NTN1: variants seen among roughly 807,000 people sequenced by gnomAD.
NTN1 encodes netrin-1.
NTN1 carries 11 observed loss-of-function variants against 54.2 expected under a neutral mutation model. The observed-to-expected ratio is 0.20, with a 90% CI of 0.13 to 0.34. The LOEUF is 0.34. Among genes scored for constraint, NTN1 ranks in the 10% least tolerant of loss-of-function variants. The pLI is 1.00. For missense variants in NTN1, 740 were observed against 893.1 expected, an observed-to-expected ratio of 0.83 and a Z score of 2.18; for synonymous variants, 371 against 382.0, an observed-to-expected ratio of 0.97 and a Z score of 0.33.
chr17:9,113,354 T>TA (rs1295066636), intron 2 of NTN1, among the ~76,000 whole-genome samples: 6 of 151,840 alleles, frequency 4.0e-5, no homozygotes, highest in Non-Finnish European at 8.8e-5. Context: ...GAAATACATA[T>TA]AAAAAAAGGG....
chr17:9,206,479 G>A (rs1020751589), intron 5 of NTN1, among the ~76,000 whole-genome samples: 1 of 152,120 alleles, frequency 6.6e-6, no homozygotes, highest in Non-Finnish European at 1.5e-5. Flanking sequence ...CTGCCCTCGG[G>A]GGGAGGGGGC....
At chr17:9,126,547 A>G (rs1252814038) in intron 2 of NTN1, among the ~76,000 whole-genome samples, 1 of 152,092 alleles carries the variant, frequency 6.6e-6, no homozygotes, top group African/African-American at 2.4e-5. Context: ...GATAAAGGGT[A>G]TGGTAAGTTC....
chr17:9,210,444 C>CCACA (rs71135952), intron 5 of NTN1, among the ~76,000 whole-genome samples: 35 of 100,972 alleles, frequency 3.5e-4, no homozygotes, highest in East Asian at 1.1e-3. Flanking sequence ...ACCCCCACAC[C>CCACA]CACACACACA....
chr17:9,034,955 G>A (rs2091898799), intron 2 of NTN1, among the ~76,000 whole-genome samples: 1 of 151,722 alleles, frequency 6.6e-6, no homozygotes, highest in Non-Finnish European at 1.5e-5. Context: ...TTATTTATTT[G>A]TTATTTTTTG....
chr17:9,111,137 C>T (rs573077178), intron 2 of NTN1, among the ~76,000 whole-genome samples: 1 of 152,052 alleles, frequency 6.6e-6, no homozygotes, highest in African/African-American at 2.4e-5. Flanking sequence ...GGGGTTTCAC[C>T]GTGTTGGCCA....
intron 2 of NTN1, among the ~76,000 whole-genome samples, chr17:9,129,586 A>G (rs1439032089): frequency 6.6e-6 from 1 of 152,230 alleles, no homozygotes; most frequent in African/African-American, 2.4e-5. Context: ...AAATGAAATC[A>G]GGAATCTCCC....
chr17:9,164,455 GA>G (rs111529399), intron 3 of NTN1, among the ~76,000 whole-genome samples: 5,610 of 148,152 alleles, frequency 0.038, 324 homozygotes, highest in East Asian at 0.25. Flanking sequence ...CATCTTGGGG[GA>G]AAAAAAAAAG....
At chr17:9,027,462 G>T (rs1036239755) in intron 2 of NTN1, among the ~76,000 whole-genome samples, 1 of 152,114 alleles carries the variant, frequency 6.6e-6, no homozygotes, top group African/African-American at 2.4e-5. Context: ...CCAGCCTGAC[G>T]TTTGTGCTTT....
intron 2 of NTN1, among the ~76,000 whole-genome samples, chr17:9,156,991 A>G (rs1433971015): frequency 2.6e-5 from 2 of 78,408 alleles, no homozygotes; most frequent in African/African-American, 1.0e-4. Context: ...TATCAACCCC[A>G]TCCATCCGTC....
At chr17:9,195,387 C>T (rs187281516) in intron 5 of NTN1, among the ~76,000 whole-genome samples, 29 of 152,320 alleles carry the variant, frequency 1.9e-4, no homozygotes, top group Admixed American at 1.1e-3. Flanking sequence ...ATATTTAGCC[C>T]TTCTTGGGAG....
intron 5 of NTN1, among the ~76,000 whole-genome samples, chr17:9,185,917 C>T (rs961440581): frequency 1.2e-4 from 18 of 152,172 alleles, no homozygotes; most frequent in African/African-American, 3.1e-4. Flanking sequence ...AATGCAATGG[C>T]GTCTCCTTTC....
Position 9,182,900 on chromosome 17 carries a change from C to G in NTN1, c.1358-16C>G. The G allele has an allele frequency of 1.9e-6, 3 of 1,614,090 alleles. No individual in the cohort carries two copies. The highest frequency in any genetic ancestry group is 2.5e-6 in the Non-Finnish European group (3 of 1,179,944). ...TTTTCTCTCCTCCCCTCGCCCCCGT[C>G]TTGAACCTCACAAAGAGATCCCTGT... is the stretch of plus-strand genomic sequence containing the variant. On this transcript the variant is annotated splice_polypyrimidine_tract_variant and intron_variant, in intron 4 of 6. Transcript: ENST00000173229.
rs1906113986 is a variant in NTN1 at position 9,239,590 on chromosome 17, C to G, written c.1487-50C>G. The G allele has an allele frequency of 1.9e-6, 3 of 1,572,710 alleles. No homozygotes were observed. Among genetic ancestry groups the G allele is most frequent in the Non-Finnish European group, 2.6e-6 (3 of 1,150,544 alleles). Reference sequence around the variant, plus strand: ...TCTCCCCAGGCTCAGGCAGGGCGGACCTAGCCACAGCAGCTGGGAGCCCAC... The same window carrying G: ...TCTCCCCAGGCTCAGGCAGGGCGGAGCTAGCCACAGCAGCTGGGAGCCCAC... On this transcript the variant is annotated intron_variant, in intron 6 of 6. Coordinates refer to ENST00000173229, the MANE Select transcript of NTN1 (RefSeq NM_004822.3). This position sits in a 1 kb window ranked among gnomAD's most constrained non-coding sequence, Gnocchi z 5.2.
chr17:9,016,939 C>G (rs1387649519), upstream of NTN1, among the ~76,000 whole-genome samples: 1 of 152,176 alleles, frequency 6.6e-6, no homozygotes, highest in Non-Finnish European at 1.5e-5. Context: ...TTCTGCCCAG[C>G]AAGCATTATC....
intron 6 of NTN1, among the ~76,000 whole-genome samples, chr17:9,228,956 G>A (rs1018150866): frequency 1.1e-4 from 17 of 152,038 alleles, no homozygotes; most frequent in African/African-American, 3.6e-4. Flanking sequence ...GTGACTCTGC[G>A]TGTGTGATTG....
At position 9,032,991 on chromosome 17, in the gene NTN1, T is replaced by C. The variant is rs2091892529; in HGVS notation, c.1018+9600T>C. ...TTTTTTTTGACAGAATCTCACTCTG[T>C]CATCGAGGCTGGAGTGCAATGGCAC... is the stretch of plus-strand genomic sequence containing the variant. On this transcript the variant is annotated intron_variant, in intron 2 of 6. Transcript: ENST00000173229. Among the ~76,000 whole-genome samples the C allele has an allele frequency of 2.0e-5, 3 of 150,564 alleles. 1 individual carries two copies. In the South Asian group the frequency reaches 6.3e-4, roughly 32 times the overall value.
chr17:9,007,482 C>T, the NTN1 span, among the ~76,000 whole-genome samples: 2,664 of 146,940 alleles, frequency 0.018, 73 homozygotes, highest in African/African-American at 0.064. Context: ...TTCATTCATT[C>T]ATTCTTTCTT....
At chr17:9,019,748 A>ATACCAT (rs1344396072), upstream of NTN1, among the ~76,000 whole-genome samples, 1 of 152,248 alleles carries the variant, frequency 6.6e-6, no homozygotes, top group Non-Finnish European at 1.5e-5. Flanking sequence ...CCTAAGAGCT[A>ATACCAT]TGCTGCCTTT....
At chr17:9,197,618 G>A (rs1466663044) in intron 5 of NTN1, among the ~76,000 whole-genome samples, 1 of 146,838 alleles carries the variant, frequency 6.8e-6, no homozygotes, top group African/African-American at 2.5e-5. Flanking sequence ...TGAGATCACA[G>A]CACTGCACTC....
Sources: gnomAD v4.1 joint callset for allele counts (sites outside exome capture counted in the v4.1 genomes callset) on GRCh38, gnomAD v4.1.1 for gene constraint, Gnocchi (gnomAD v3.1) non-coding constraint, MANE v1.5 for transcripts, NCBI Gene and HGNC (gene_info 2026-07-23, HGNC 2026-07-21) for gene names.